ATRN: variants seen among roughly 807,000 people sequenced by gnomAD.
ATRN encodes the protein attractin-2.
Under a neutral mutation model 178.7 loss-of-function variants are expected in ATRN, and 54 were observed. That is an observed-to-expected ratio of 0.30 (90% confidence interval 0.24 to 0.38). The LOEUF is 0.38. ATRN is among the 10% of genes least tolerant of loss of function. The probability of loss-of-function intolerance (pLI) is 1.00; values close to 1 mark genes in which losing one functional copy is unlikely to be tolerated. For synonymous variants in ATRN, 636 were observed against 663.0 expected (o/e 0.96, Z 0.63); for missense variants, 1,443 against 1,815.1 (o/e 0.79, Z 3.73).
Position 3,638,987 on chromosome 20 carries a change from T to G in ATRN, c.4050+52T>G. ...TAACTTGACTTTTTAAAACTTAGGC[T>G]CCTAAGTCTGGGAAACCAGAGAGAG... On this transcript the variant is annotated intron_variant, in intron 27 of 28. Coordinates refer to ENST00000262919, the MANE Select transcript of ATRN (RefSeq NM_139321.3). The surrounding 1 kb of genome is among the most constrained non-coding windows in gnomAD (Gnocchi z 4.5). The G allele has an allele frequency of 2.1e-6, 3 of 1,453,666 alleles. No homozygotes were observed. Among genetic ancestry groups the G allele is most frequent in the Non-Finnish European group, 2.9e-6 (3 of 1,052,508 alleles). The allele number at this position is 1,453,666 out of a possible 1,614,324, so 90.0% of individuals were successfully genotyped here.
rs539631279 is a variant in ATRN at position 3,635,065 on chromosome 20, C to T, written c.3942+676C>T. On this transcript the variant is annotated intron_variant, in intron 26 of 28. Coordinates refer to ENST00000262919, the MANE Select transcript of ATRN (RefSeq NM_139321.3). Reference sequence around the variant, plus strand: ...TATATTTATATACATTTGCAGCAACCTGGATGGAATTGGAGACCGTTATTC... The same window carrying T: ...TATATTTATATACATTTGCAGCAACTTGGATGGAATTGGAGACCGTTATTC... Among the ~76,000 whole-genome samples, 3 of 151,898 alleles carry T rather than the reference C, an allele frequency of 2.0e-5. No homozygotes were observed. The South Asian group carries it at 6.2e-4, about 32-fold the overall frequency.
chr20:3,615,922 T>C (rs2086841204), intron 24 of ATRN: 1 of 427,816 alleles, frequency 2.3e-6, no homozygotes, highest in Admixed American at 2.4e-5. Flanking sequence ...AGGGATAGCA[T>C]TAGGGGATAT....
At chr20:3,472,582 G>C (rs1331537994) in intron 1 of ATRN, among the ~76,000 whole-genome samples, 1 of 152,208 alleles carries the variant, frequency 6.6e-6, no homozygotes, top group Non-Finnish European at 1.5e-5. Context: ...ATGCTATCAA[G>C]AAAATAAAAA....
At chr20:3,593,782 GAAAAGGTGTTGACCA>G (rs1330414961) in intron 19 of ATRN, among the ~76,000 whole-genome samples, 5 of 152,214 alleles carry the variant, frequency 3.3e-5, no homozygotes, top group Non-Finnish European at 7.3e-5. Flanking sequence ...GGTATAAAGT[GAAAAGGTGTTGACCA>G]AAAAGGCTTT....
At chr20:3,487,726 G>C (rs57429778) in intron 1 of ATRN, among the ~76,000 whole-genome samples, 2 of 152,222 alleles carry the variant, frequency 1.3e-5, no homozygotes, top group Admixed American at 1.3e-4. Context: ...TACTTTCTAT[G>C]TTAATTTTAT....
At chr20:3,498,066 A>C (rs2084906017) in intron 1 of ATRN, among the ~76,000 whole-genome samples, 4 of 152,212 alleles carry the variant, frequency 2.6e-5, no homozygotes, top group African/African-American at 9.7e-5. Context: ...CTACGCAAAT[A>C]AACTAGAAAA....
intron 1 of ATRN, among the ~76,000 whole-genome samples, chr20:3,495,835 GATCTATAA>G (rs2084871329): frequency 6.6e-6 from 1 of 151,490 alleles, no homozygotes; most frequent in African/African-American, 2.4e-5. Context: ...AAAGAAAGGG[GATCTATAA>G]ATCTATAAAT....
At chr20:3,644,397 AG>A (rs1175064209) in intron 28 of ATRN, 129 bp downstream of exon 28, 2 of 790,468 alleles carry the variant, frequency 2.5e-6, no homozygotes, top group Admixed American at 2.6e-5. Context: ...TGCCATGGCA[AG>A]GATTCAGTGA....
chr20:3,549,611 G>A (rs867624838), intron 6 of ATRN, among the ~76,000 whole-genome samples: 1 of 152,288 alleles, frequency 6.6e-6, no homozygotes, highest in African/African-American at 2.4e-5. Flanking sequence ...TTCTATATAA[G>A]TAGGGGATTA....
intron 6 of ATRN, among the ~76,000 whole-genome samples, chr20:3,554,897 A>G (rs1343947370): frequency 6.6e-6 from 1 of 151,970 alleles, no homozygotes; most frequent in Non-Finnish European, 1.5e-5. Flanking sequence ...ATAGTAAGAA[A>G]TCAGTCAGCA....
chr20:3,594,079 C>CG (rs1429914733), intron 19 of ATRN, among the ~76,000 whole-genome samples: 1 of 152,162 alleles, frequency 6.6e-6, no homozygotes, highest in African/African-American at 2.4e-5. Context: ...AGAGGACAGT[C>CG]ACCTCCAGAG....
At chr20:3,618,145 T>C (rs1026040594) in intron 24 of ATRN, among the ~76,000 whole-genome samples, 3 of 152,012 alleles carry the variant, frequency 2.0e-5, no homozygotes, top group African/African-American at 7.3e-5. Flanking sequence ...CCACTTCCTA[T>C]CTGTGGTGGC....
chr20:3,552,745 C>T (rs940543387), intron 6 of ATRN, among the ~76,000 whole-genome samples: 2 of 152,070 alleles, frequency 1.3e-5, no homozygotes, highest in Non-Finnish European at 2.9e-5. Context: ...GTTATAGAAC[C>T]GAGGGTCCCA....
chr20:3,576,055 G>A (rs2146248121), intron 13 of ATRN, 107 bp downstream of exon 13: 3 of 1,285,870 alleles, frequency 2.3e-6, no homozygotes, highest in East Asian at 2.7e-5. Context: ...TTTTCAAATG[G>A]GTTTCTATTT....
intron 3 of ATRN, among the ~76,000 whole-genome samples, chr20:3,542,144 A>AT (rs1392593164): frequency 6.6e-6 from 1 of 152,236 alleles, no homozygotes; most frequent in Non-Finnish European, 1.5e-5. Context: ...GTTGGAGTGT[A>AT]TATGTTTATG....
At chr20:3,601,199 A>G (rs1042724854) in intron 23 of ATRN, among the ~76,000 whole-genome samples, 175 bp downstream of exon 23, 1 of 152,160 alleles carries the variant, frequency 6.6e-6, no homozygotes, top group African/African-American at 2.4e-5. Flanking sequence ...CCTTAGCATT[A>G]TTTTATTCAT....
intron 7 of ATRN, among the ~76,000 whole-genome samples, chr20:3,560,224 A>G (rs1165359223): frequency 6.6e-6 from 1 of 152,086 alleles, no homozygotes; most frequent in African/African-American, 2.4e-5. Flanking sequence ...TTTAGTTCCC[A>G]CATATGATTG....
At chr20:3,522,196 A>G (rs1025500807) in intron 1 of ATRN, among the ~76,000 whole-genome samples, 4 of 152,250 alleles carry the variant, frequency 2.6e-5, no homozygotes, top group Admixed American at 2.6e-4. Context: ...GAAATAAGGG[A>G]AATTAGAAAA....
At chr20:3,492,854 G>GAGAC (rs1555807888) in intron 1 of ATRN, among the ~76,000 whole-genome samples, 1 of 132,434 alleles carries the variant, frequency 7.6e-6, no homozygotes, top group Non-Finnish European at 1.6e-5. Flanking sequence ...GAGAGAGAGA[G>GAGAC]GCGCGCGCGC....
Sources: allele counts gnomAD v4.1 joint callset (sites outside exome capture counted in the v4.1 genomes callset), GRCh38; gene constraint gnomAD v4.1.1; non-coding constraint Gnocchi (gnomAD v3.1); transcripts MANE v1.5; gene names NCBI Gene and HGNC (gene_info 2026-07-23, HGNC 2026-07-21).